Variants in RABGAP1L observed in about 807,000 individuals in gnomAD.
The protein encoded by RABGAP1L is rab GTPase-activating protein 1-like.
Under a neutral mutation model 137.7 loss-of-function variants are expected in RABGAP1L, and 63 were observed. The ratio of observed to expected loss-of-function variants is 0.46; its 90% CI spans 0.37 to 0.56. The LOEUF (loss-of-function observed/expected upper bound fraction) is 0.56. RABGAP1L is among the 20% of genes least tolerant of loss of function. The pLI is 0.00. For synonymous variants in RABGAP1L, 431 were observed against 433.7 expected (o/e 0.99, Z 0.08); for missense variants, 1,095 against 1,244.0 (o/e 0.88, Z 1.80).
intron 18 of RABGAP1L, among the ~76,000 whole-genome samples, chr1:174,779,804 T>C (rs1558070063): frequency 6.6e-6 from 1 of 152,166 alleles, no homozygotes; most frequent in East Asian, 1.9e-4. Context: ...AGCCCCATAT[T>C]TCCCAAATTT....
chr1:174,461,199 A>G (rs947297715), intron 13 of RABGAP1L, among the ~76,000 whole-genome samples: 12 of 152,100 alleles, frequency 7.9e-5, no homozygotes, highest in South Asian at 2.1e-4. Flanking sequence ...GATAATCTCT[A>G]CTGGCCTTTC....
At chr1:174,899,669 A>G (rs1189215176) in intron 19 of RABGAP1L, among the ~76,000 whole-genome samples, 2 of 152,164 alleles carry the variant, frequency 1.3e-5, no homozygotes, top group African/African-American at 4.8e-5. Flanking sequence ...AGATTTCAAT[A>G]TCAATTTTCT....
intron 1 of RABGAP1L, among the ~76,000 whole-genome samples, chr1:174,195,951 T>C (rs1310813951): frequency 6.7e-6 from 1 of 149,070 alleles, no homozygotes; most frequent in Non-Finnish European, 1.5e-5. Flanking sequence ...TTCTCCTGCC[T>C]CAGCCTCCTG....
At chr1:174,841,955 C>G (rs1573453677) in intron 19 of RABGAP1L, among the ~76,000 whole-genome samples, 1 of 151,340 alleles carries the variant, frequency 6.6e-6, no homozygotes, top group Non-Finnish European at 1.5e-5. Context: ...GGAGATGGCT[C>G]AGAAATAGCA....
rs533889136 is a variant in RABGAP1L at position 174,779,096 on chromosome 1, C to G, written c.2211+26742C>G. On this transcript the variant is annotated intron_variant, in intron 18 of 25. Coordinates refer to ENST00000681986, the MANE Select transcript of RABGAP1L (RefSeq NM_001366446.1). The stretch of plus-strand genomic sequence containing the variant: ...ATTCCCATAGACTATGATTGCACAT[C>G]TGTACATCATGTTTCTGATTATAAC... 1.6e-4 allele frequency among the ~76,000 whole-genome samples: 24 copies of G among 152,336 alleles called. No homozygotes were observed. In the East Asian group the frequency reaches 4.6e-3, roughly 29 times the overall value.
intron 13 of RABGAP1L, among the ~76,000 whole-genome samples, chr1:174,635,470 A>G (rs1352128430): frequency 6.6e-6 from 1 of 152,232 alleles, no homozygotes; most frequent in Non-Finnish European, 1.5e-5. Flanking sequence ...GACTCCAGAC[A>G]AGATAAAAGA....
At chr1:174,197,781 C>T (rs1015186631) in intron 1 of RABGAP1L, among the ~76,000 whole-genome samples, 8 of 151,266 alleles carry the variant, frequency 5.3e-5, no homozygotes, top group Non-Finnish European at 7.4e-5. Context: ...GCCTGGGTAA[C>T]GAGAGCGAAA....
chr1:174,539,667 C>T (rs1665199129), intron 13 of RABGAP1L, among the ~76,000 whole-genome samples: 1 of 152,164 alleles, frequency 6.6e-6, no homozygotes, highest in Admixed American at 6.5e-5. Context: ...GTATATGTGC[C>T]ACATTTTCTT....
intron 14 of RABGAP1L, among the ~76,000 whole-genome samples, chr1:174,672,931 T>A (rs1288068554): frequency 1.3e-5 from 2 of 152,294 alleles, no homozygotes; most frequent in African/African-American, 4.8e-5. Context: ...GAGTTCCTAG[T>A]TCATGGAAAA....
At chr1:174,176,746 A>ATAAAATAAAAG (rs1665923226) in intron 1 of RABGAP1L, among the ~76,000 whole-genome samples, 1 of 134,102 alleles carries the variant, frequency 7.5e-6, no homozygotes, top group South Asian at 2.4e-4. Context: ...AAAAAAAAAA[A>ATAAAATAAAAG]GGTCAACATT....
At chr1:174,629,694 T>C (rs902164908) in intron 13 of RABGAP1L, among the ~76,000 whole-genome samples, 2 of 152,146 alleles carry the variant, frequency 1.3e-5, no homozygotes, top group Non-Finnish European at 1.5e-5. Flanking sequence ...GGCTAATTTT[T>C]TGTATTTTTT....
chr1:174,681,054 A>AG (rs775966072), intron 14 of RABGAP1L, among the ~76,000 whole-genome samples: 6 of 152,206 alleles, frequency 3.9e-5, no homozygotes, highest in Non-Finnish European at 8.8e-5. Flanking sequence ...AAGGAAAAAG[A>AG]CTGACAGTAT....
At chr1:174,610,911 T>C (rs908462850) in intron 13 of RABGAP1L, among the ~76,000 whole-genome samples, 1 of 152,154 alleles carries the variant, frequency 6.6e-6, no homozygotes, top group Admixed American at 6.5e-5. Context: ...TGTTTGTTTT[T>C]TTCTTGTAAA....
At chr1:174,568,190 A>G (rs1328866440) in intron 13 of RABGAP1L, among the ~76,000 whole-genome samples, 2 of 151,918 alleles carry the variant, frequency 1.3e-5, no homozygotes, top group South Asian at 4.2e-4. Flanking sequence ...GAGGCACCAC[A>G]CTCTTTCACA....
chr1:174,760,608 T>C (rs571195061), intron 18 of RABGAP1L, among the ~76,000 whole-genome samples: 1 of 152,354 alleles, frequency 6.6e-6, no homozygotes, highest in Non-Finnish European at 1.5e-5. Flanking sequence ...TCTTTGCTAT[T>C]GTGAATAGTG....
chr1:174,361,140 C>G (rs917035925), intron 11 of RABGAP1L, among the ~76,000 whole-genome samples: 12 of 151,296 alleles, frequency 7.9e-5, no homozygotes, highest in African/African-American at 2.9e-4. Flanking sequence ...GTCTCTGTGT[C>G]TTTTTTCATG....
chr1:174,628,195 A>T (rs1346969391), intron 13 of RABGAP1L, among the ~76,000 whole-genome samples: 1 of 152,154 alleles, frequency 6.6e-6, no homozygotes, highest in Non-Finnish European at 1.5e-5. Flanking sequence ...TTATGAATGG[A>T]TTCATAGAAA....
chr1:174,473,989 C>G (rs1024075142), intron 13 of RABGAP1L, among the ~76,000 whole-genome samples: 7 of 152,126 alleles, frequency 4.6e-5, no homozygotes, highest in African/African-American at 1.7e-4. Context: ...GTAGCTGTTC[C>G]TGTAACGTTT....
intron 18 of RABGAP1L, among the ~76,000 whole-genome samples, chr1:174,768,513 A>G (rs1685855008): frequency 1.3e-5 from 2 of 152,214 alleles, no homozygotes; most frequent in Admixed American, 1.3e-4. Flanking sequence ...AGGGAAAAAT[A>G]CCTCAAATGA....
Sources: allele counts gnomAD v4.1 joint callset (sites outside exome capture counted in the v4.1 genomes callset), GRCh38; gene constraint gnomAD v4.1.1; transcripts MANE v1.5; gene names NCBI Gene and HGNC (gene_info 2026-07-23, HGNC 2026-07-21).